PLEKHA2: variants seen among roughly 807,000 people sequenced by gnomAD.
PLEKHA2 encodes pleckstrin homology domain-containing family A member 2.
In PLEKHA2, 28 loss-of-function variants were observed where a neutral mutation model predicts 53.2. The observed-to-expected ratio is 0.53, with a 90% CI of 0.39 to 0.72. The LOEUF (loss-of-function observed/expected upper bound fraction) is 0.72, where lower values mean the gene tolerates loss of function less well. Ranked by LOEUF, PLEKHA2 falls within the 30% of genes least tolerant of loss-of-function variation. The probability of loss-of-function intolerance (pLI) is 0.00; values close to 1 mark genes in which losing one functional copy is unlikely to be tolerated. For missense variants in PLEKHA2, 426 were observed against 537.9 expected (o/e 0.79, Z 2.06); for synonymous variants, 193 against 196.4 (o/e 0.98, Z 0.14).
intron 1 of PLEKHA2, among the ~76,000 whole-genome samples, chr8:38,910,327 G>A (rs949335070): frequency 6.6e-6 from 1 of 152,128 alleles, no homozygotes; most frequent in Non-Finnish European, 1.5e-5. Flanking sequence ...TTGTTTGTGA[G>A]AGACAGAGAA....
intron 5 of PLEKHA2, among the ~76,000 whole-genome samples, chr8:38,946,726 C>T (rs555926227): frequency 1.8e-4 from 27 of 152,276 alleles, no homozygotes; most frequent in African/African-American, 6.0e-4. Flanking sequence ...GACTGTCCTA[C>T]GAGTGTGCTC....
intron 10 of PLEKHA2, among the ~76,000 whole-genome samples, chr8:38,968,078 G>A (rs921273024): frequency 6.6e-5 from 10 of 152,106 alleles, no homozygotes; most frequent in Admixed American, 1.3e-4. Context: ...ATTTCTGAAG[G>A]CAATACATAT....
At chr8:38,916,633 T>C (rs1352561912) in intron 1 of PLEKHA2, among the ~76,000 whole-genome samples, 1 of 152,246 alleles carries the variant, frequency 6.6e-6, no homozygotes, top group East Asian at 1.9e-4. Context: ...AGTACTCCAT[T>C]GTGTATATAT....
chr8:38,901,920 A>G (rs1057110387), intron 1 of PLEKHA2: 11 of 152,276 alleles, frequency 7.2e-5, no homozygotes, highest in Non-Finnish European at 1.5e-4. Context: ...GGATTGGGCC[A>G]TGGAGACTCC....
rs559790108 is a variant in PLEKHA2, at chr8:38,920,405, T to C, written c.141+2335T>C. Among the ~76,000 whole-genome samples the C allele has an allele frequency of 1.5e-3, 222 of 152,166 alleles. 1 individual carries two copies. Among genetic ancestry groups the C allele is most frequent in the South Asian group, 0.011 (53 of 4,826 alleles). On this transcript the variant is annotated intron_variant, in intron 2 of 11. Transcript: ENST00000617275. The stretch of plus-strand genomic sequence containing the variant: ...TCCTGACCTCCTTATCTGCCCACCT[T>C]GGCCTCCCAAAGTGCTGGGATTACA...
intron 11 of PLEKHA2, 77 bp downstream of exon 11, chr8:38,968,746 A>T: frequency 6.6e-7 from 1 of 1,510,044 alleles, no homozygotes; most frequent in Non-Finnish European, 9.2e-7. Flanking sequence ...TTATTTGGTG[A>T]TGTAGGCAAG....
intron 1 of PLEKHA2, among the ~76,000 whole-genome samples, chr8:38,916,599 C>G (rs1374734698): frequency 6.6e-6 from 1 of 152,186 alleles, no homozygotes; most frequent in African/African-American, 2.4e-5. Context: ...ATGACAGGAT[C>G]TTACTCTTTT....
At position 38,946,155 on chromosome 8, in the gene PLEKHA2, T is replaced by G. The variant is rs1254490005; in HGVS notation, c.279T>G (p.Leu93=). Residue 93 remains leucine, a synonymous_variant, in exon 5 of 12, where the codon CTT becomes CTG. Transcript: ENST00000617275. Reference sequence around the variant, plus strand: ...ATGCCCTGTCTCAGAGATATTTCCTTCAAGCCAATGATCAGAAAGATATGA... The same window carrying G: ...ATGCCCTGTCTCAGAGATATTTCCTGCAAGCCAATGATCAGAAAGATATGA... ...VINALSQRYF[L]QANDQKDMKD... is the part of the protein sequence containing the mutation. 1 of 1,608,466 alleles carries G rather than the reference T, an allele frequency of 6.2e-7. No individual in the cohort carries two copies. The highest frequency in any genetic ancestry group is 1.7e-5 in the Admixed American group (1 of 59,140).
intron 11 of PLEKHA2, chr8:38,969,142 C>A: frequency 2.4e-6 from 1 of 422,274 alleles, no homozygotes. Context: ...CTCAGGTGAT[C>A]CACTTGCCTC....
intron 11 of PLEKHA2, chr8:38,969,093 G>T (rs1009359087): frequency 1.2e-5 from 4 of 326,102 alleles, no homozygotes; most frequent in East Asian, 1.7e-4. Context: ...TAGAAATGGG[G>T]TTTCACCATG....
intron 5 of PLEKHA2, among the ~76,000 whole-genome samples, chr8:38,946,568 A>G (rs1834718782): frequency 6.6e-6 from 1 of 152,182 alleles, no homozygotes; most frequent in African/African-American, 2.4e-5. Context: ...TAAGGGGAAA[A>G]GCATATGGGG....
intron 2 of PLEKHA2, among the ~76,000 whole-genome samples, chr8:38,934,962 A>C (rs1262888847): frequency 1.3e-5 from 2 of 152,196 alleles, no homozygotes; most frequent in African/African-American, 4.8e-5. Flanking sequence ...ACTTGCTGAG[A>C]GTCTTCTACA....
At chr8:38,911,450 T>A (rs1833952864) in intron 1 of PLEKHA2, among the ~76,000 whole-genome samples, 1 of 152,172 alleles carries the variant, frequency 6.6e-6, no homozygotes, top group Non-Finnish European at 1.5e-5. Context: ...TTGGCCATGC[T>A]GGTTTTGAAC....
intron 3 of PLEKHA2, among the ~76,000 whole-genome samples, chr8:38,936,269 C>G (rs1834493097): frequency 6.6e-6 from 1 of 152,178 alleles, no homozygotes; most frequent in South Asian, 2.1e-4. Context: ...CCTACAGCCT[C>G]TTACTCCTTG....
At chr8:38,927,679 T>C (rs772898396) in intron 2 of PLEKHA2, among the ~76,000 whole-genome samples, 3 of 152,176 alleles carry the variant, frequency 2.0e-5, no homozygotes, top group East Asian at 1.9e-4. Context: ...TAAGGAAACA[T>C]CCATTTTTTG....
intron 2 of PLEKHA2, 71 bp from the exon 3 acceptor site, chr8:38,935,923 A>G: frequency 6.9e-7 from 1 of 1,459,234 alleles, no homozygotes; most frequent in Non-Finnish European, 9.6e-7. Flanking sequence ...AAACAGAGCT[A>G]GAATCTTGGT....
chr8:38,923,329 A>C (rs1447522840), intron 2 of PLEKHA2, among the ~76,000 whole-genome samples: 3 of 152,162 alleles, frequency 2.0e-5, no homozygotes, highest in Admixed American at 1.3e-4. Context: ...TATCCTGTGG[A>C]GTATGGGCAC....
At chr8:38,952,547 G>A in intron 7 of PLEKHA2, 89 bp from the exon 8 acceptor site, 2 of 1,440,370 alleles carry the variant, frequency 1.4e-6, no homozygotes, top group Non-Finnish European at 1.9e-6. Context: ...CTTCCATGGG[G>A]CTGGGTCCTT....
chr8:38,905,716 G>A (rs1402675698), intron 1 of PLEKHA2, among the ~76,000 whole-genome samples: 1 of 124,870 alleles, frequency 8.0e-6, no homozygotes, highest in African/African-American at 3.0e-5. Context: ...ACAGAGTCTC[G>A]CCCTGTCGCC....
Sources: allele counts gnomAD v4.1 joint callset (sites outside exome capture counted in the v4.1 genomes callset), GRCh38; gene constraint gnomAD v4.1.1; transcripts MANE v1.5; gene names NCBI Gene and HGNC (gene_info 2026-07-23, HGNC 2026-07-21).